Variants in RBBP4 observed in about 807,000 individuals in gnomAD.
The protein encoded by RBBP4 is RB binding protein 4, chromatin remodeling factor, also known as histone-binding protein RBBP4.
A neutral mutation model predicts 57.2 loss-of-function variants in RBBP4; 3 were observed. That is an observed-to-expected ratio of 0.05 (90% confidence interval 0.02 to 0.14). The LOEUF (loss-of-function observed/expected upper bound fraction) is 0.14, where lower values mean the gene tolerates loss of function less well. Ranked by LOEUF, RBBP4 falls within the 10% of genes least tolerant of loss-of-function variation. The pLI is 1.00. For missense variants in RBBP4, 107 were observed against 520.6 expected (o/e 0.21, Z 7.73); for synonymous variants, 151 against 171.5 (o/e 0.88, Z 0.93).
chr1:32,669,312 C>A lies in RBBP4; in HGVS notation c.843C>A (p.Phe281Leu). The A allele has an allele frequency of 6.2e-7, 1 of 1,612,510 alleles. No homozygotes were observed. Among genetic ancestry groups the A allele is most frequent in the Non-Finnish European group, 8.5e-7 (1 of 1,179,972 alleles). ...AHTAEVNCLS[F>L]NPYSEFILAT... ...CTGCTGAAGTGAACTGCCTTTCTTT[C>A]AATCCTTATAGTGAGTTCATTCTTG... Residue 281 changes from phenylalanine to leucine, a missense_variant, in exon 7 of 12, where the codon TTC becomes TTA. Around this residue, in one of 3 missense-constraint regions of RBBP4, gnomAD observed 92 missense variants for 408.5 expected, o/e 0.23. Transcript: ENST00000373493. This position sits in a 1 kb window ranked among gnomAD's most constrained non-coding sequence, Gnocchi z 4.9.
rs775118910 is a variant in RBBP4 at position 32,684,421 on chromosome 1, CAA to C, written c.*4717_*4718del. 3.1e-6 allele frequency: 5 copies of C among 1,612,894 alleles called. No individual in the cohort carries two copies. The African/African-American group carries it at 6.7e-5, about 22-fold the overall frequency. The stretch of plus-strand genomic sequence containing the variant: ...CCAAGAACATTTCTAATGAGCCAAA[CAA>C]TAAAAACTCACATTGTCCACTCTTA... On this transcript the variant is annotated 3_prime_UTR_variant, in exon 12 of 12. Coordinates refer to ENST00000373493, the MANE Select transcript of RBBP4 (RefSeq NM_005610.3).
At chr1:32,665,417 C>T (rs964859822) in intron 3 of RBBP4, among the ~76,000 whole-genome samples, 1 of 152,160 alleles carries the variant, frequency 6.6e-6, no homozygotes, top group Non-Finnish European at 1.5e-5. Flanking sequence ...GTGGCTCTCT[C>T]CTGTAATCCC....
At position 32,680,410 on chromosome 1, in the gene RBBP4, T is replaced by C; in HGVS notation, c.*705T>C. 1 of 1,345,344 alleles carries C rather than the reference T, an allele frequency of 7.4e-7. No individual in the cohort carries two copies. The highest frequency in any genetic ancestry group is 9.6e-7 in the Non-Finnish European group (1 of 1,043,414). The allele number at this position is 1,345,344 out of a possible 1,614,324, so 83.3% of individuals were successfully genotyped here. ...ACCACCAAGTTGTAAAGATGTATGT[T>C]TTTACCTGACAGTTATACCACAGGT... is the stretch of plus-strand genomic sequence containing the variant. On this transcript the variant is annotated 3_prime_UTR_variant, in exon 12 of 12. Coordinates refer to ENST00000373493, the MANE Select transcript of RBBP4 (RefSeq NM_005610.3).
intron 1 of RBBP4, 177 bp from the exon 2 acceptor site, chr1:32,651,736 GA>G: frequency 1.2e-6 from 1 of 838,324 alleles, no homozygotes; most frequent in East Asian, 2.7e-5. Context: ...GTTTGGCGGG[GA>G]TGGCCCGAGG....
At chr1:32,657,671 G>A in intron 3 of RBBP4, 99 bp downstream of exon 3, 1 of 1,381,376 alleles carries the variant, frequency 7.2e-7, no homozygotes, top group South Asian at 1.5e-5. Flanking sequence ...AATATTTAAG[G>A]TTGAGGGAAA....
intron 11 of RBBP4, chr1:32,673,417 T>G: frequency 2.5e-6 from 1 of 406,538 alleles, no homozygotes; most frequent in Non-Finnish European, 4.7e-6. Flanking sequence ...TCTCAAAGAA[T>G]GTGAACACCC....
At chr1:32,653,183 G>C (rs958651098) in intron 2 of RBBP4, among the ~76,000 whole-genome samples, 4 of 152,064 alleles carry the variant, frequency 2.6e-5, no homozygotes, top group African/African-American at 4.8e-5. Context: ...CATAAAAGTG[G>C]TACAGATAAA....
intron 4 of RBBP4, 92 bp downstream of exon 4, chr1:32,668,490 A>G: frequency 7.7e-7 from 1 of 1,291,754 alleles, no homozygotes; most frequent in Non-Finnish European, 1.1e-6. Context: ...TACTCTGTGT[A>G]ATTTAACATC....
chr1:32,676,141 C>T (rs192890407), intron 11 of RBBP4, among the ~76,000 whole-genome samples: 1 of 152,262 alleles, frequency 6.6e-6, no homozygotes, highest in African/African-American at 2.4e-5. Flanking sequence ...CACCACTGCA[C>T]TCCAGCCTAG....
At chr1:32,661,805 T>TA (rs1349920722) in intron 3 of RBBP4, among the ~76,000 whole-genome samples, 1 of 37,508 alleles carries the variant, frequency 2.7e-5, no homozygotes, top group African/African-American at 4.3e-5. Flanking sequence ...GTTGATCTTT[T>TA]TTTTTTCACA....
intron 2 of RBBP4, among the ~76,000 whole-genome samples, chr1:32,655,147 C>T (rs1648078073): frequency 6.6e-6 from 1 of 152,028 alleles, no homozygotes; most frequent in Non-Finnish European, 1.5e-5. Flanking sequence ...CGCTACCATA[C>T]CTGGCTAATT....
Position 32,684,058 on chromosome 1 carries a change from C to T in RBBP4, c.*4353C>T. ...CCTGCCTGAGAAGTGGGAGCATCAG[C>T]CTGTTCCAGGCTCTTGGGTAGTAGC... is the stretch of plus-strand genomic sequence containing the variant. On this transcript the variant is annotated 3_prime_UTR_variant, in exon 12 of 12. Transcript: ENST00000373493. 4 of 1,614,198 alleles carry T rather than the reference C, an allele frequency of 2.5e-6. No individual in the cohort carries two copies. The highest frequency in any genetic ancestry group is 1.1e-5 in the South Asian group (1 of 91,084).
At chr1:32,675,383 G>C (rs1331339709) in intron 11 of RBBP4, among the ~76,000 whole-genome samples, 1 of 152,080 alleles carries the variant, frequency 6.6e-6, no homozygotes. Context: ...TTTGTGACCT[G>C]CCAGACTAAC....
At chr1:32,651,695 TG>T in intron 1 of RBBP4, 1 of 756,092 alleles carries the variant, frequency 1.3e-6, no homozygotes, top group South Asian at 2.1e-5. Context: ...AAGGCCTGGC[TG>T]GCCCCTTGGC....
At chr1:32,664,600 G>A (rs1648566877) in intron 3 of RBBP4, among the ~76,000 whole-genome samples, 1 of 151,996 alleles carries the variant, frequency 6.6e-6, no homozygotes, top group South Asian at 2.1e-4. Context: ...CTACAGGCAC[G>A]TGCCACCATG....
intron 11 of RBBP4, 128 bp from the exon 12 acceptor site, chr1:32,679,512 A>G: frequency 1.3e-6 from 1 of 743,950 alleles, no homozygotes; most frequent in Non-Finnish European, 2.1e-6. Flanking sequence ...GAATAGTTGT[A>G]ACACAGATTG....
intron 3 of RBBP4, among the ~76,000 whole-genome samples, chr1:32,666,936 GAGAAGTGACCT>G (rs1339324748): frequency 9.2e-5 from 14 of 152,218 alleles, no homozygotes; most frequent in Non-Finnish European, 2.1e-4. Flanking sequence ...GGGACATTGT[GAGAAGTGACCT>G]AGAAGGCAAG....
At chr1:32,662,360 A>ATTT (rs914465256) in intron 3 of RBBP4, 3 of 177,934 alleles carry the variant, frequency 1.7e-5, no homozygotes, top group Non-Finnish European at 3.7e-5. Context: ...ACACCAGCTA[A>ATTT]TTTTTGTTGT....
intron 3 of RBBP4, among the ~76,000 whole-genome samples, chr1:32,661,119 A>T (rs762326955): frequency 6.6e-6 from 1 of 152,124 alleles, no homozygotes; most frequent in African/African-American, 2.4e-5. Context: ...CAGCCAAAAA[A>T]ATTTTTTTAT....
Sources: allele counts gnomAD v4.1 joint callset (sites outside exome capture counted in the v4.1 genomes callset), GRCh38; gene constraint gnomAD v4.1.1; regional missense constraint gnomAD v4.1.1; non-coding constraint Gnocchi (gnomAD v3.1); transcripts MANE v1.5; gene names NCBI Gene and HGNC (gene_info 2026-07-23, HGNC 2026-07-21).